Variants in PIBF1 observed in about 807,000 individuals in gnomAD.
PIBF1 encodes progesterone-induced-blocking factor 1.
In PIBF1, 90 loss-of-function variants were observed where a neutral mutation model predicts 112.5. The ratio of observed to expected loss-of-function variants is 0.80; its 90% CI spans 0.67 to 0.95. The LOEUF (loss-of-function observed/expected upper bound fraction) is 0.95, where lower values mean the gene tolerates loss of function less well. Ranked by LOEUF, PIBF1 falls within the 40% of genes least tolerant of loss-of-function variation. PIBF1 has a pLI of 0.00. For synonymous variants in PIBF1, 301 were observed against 288.6 expected (o/e 1.04, Z -0.44); for missense variants, 915 against 852.3 (o/e 1.07, Z -0.92).
Position 72,893,955 on chromosome 13 carries a change from T to C in PIBF1, c.1488+6T>C. 2 of 1,553,590 alleles carry C rather than the reference T, an allele frequency of 1.3e-6. No homozygotes were observed. The highest frequency in any genetic ancestry group is 1.7e-6 in the Non-Finnish European group (2 of 1,148,206). ...AATATCAGAAAAAATTGGAGGTACA[T>C]GTACAAGCTTTTCTTTCAACATTAG... is the stretch of plus-strand genomic sequence containing the variant. On this transcript the variant is annotated splice_donor_region_variant and intron_variant, in intron 11 of 17. Coordinates refer to ENST00000326291, the MANE Select transcript of PIBF1 (RefSeq NM_006346.4).
At chr13:73,014,387 A>T (rs1374996319) in intron 17 of PIBF1, among the ~76,000 whole-genome samples, 1 of 152,130 alleles carries the variant, frequency 6.6e-6, no homozygotes, top group Non-Finnish European at 1.5e-5. Context: ...AAAACTACAG[A>T]CCAATATCTC....
intron 10 of PIBF1, among the ~76,000 whole-genome samples, chr13:72,877,804 C>T (rs2039469782): frequency 6.7e-6 from 1 of 149,144 alleles, no homozygotes; most frequent in Admixed American, 6.7e-5. Flanking sequence ...GGCTGGAGTA[C>T]AGTGGCACAA....
chr13:72,804,532 GC>G (rs1239813795), intron 5 of PIBF1, among the ~76,000 whole-genome samples: 1 of 152,128 alleles, frequency 6.6e-6, no homozygotes, highest in Non-Finnish European at 1.5e-5. Context: ...AGGGCAGGAC[GC>G]CTGTCACCTT....
chr13:73,015,103 C>G (rs923581590), intron 17 of PIBF1, among the ~76,000 whole-genome samples: 1 of 149,204 alleles, frequency 6.7e-6, no homozygotes, highest in East Asian at 2.0e-4. Flanking sequence ...ATCTTCTCAC[C>G]TCCATCTCCC....
At chr13:72,804,576 TC>T (rs2035632040) in intron 5 of PIBF1, among the ~76,000 whole-genome samples, 1 of 152,158 alleles carries the variant, frequency 6.6e-6, no homozygotes, top group East Asian at 1.9e-4. Context: ...AGAGTGGCCT[TC>T]CTAGGTTTGA....
rs1198797869 is a variant in PIBF1, at chr13:72,845,362, C to T, written c.1224-8695C>T. ...GTAGTATTCCATGGTGTATATGTACCACATTTTCTTTATCCAGTCTATCAT... is the reference window on the plus strand; with the variant it reads ...GTAGTATTCCATGGTGTATATGTACTACATTTTCTTTATCCAGTCTATCAT... On this transcript the variant is annotated intron_variant, in intron 9 of 17. Coordinates refer to ENST00000326291, the MANE Select transcript of PIBF1 (RefSeq NM_006346.4). Among the ~76,000 whole-genome samples the T allele has an allele frequency of 3.9e-5, 6 of 152,118 alleles. No individual in the cohort carries two copies. The East Asian group carries it at 1.2e-3, about 29-fold the overall frequency.
At chr13:72,916,863 T>C (rs111843034) in intron 12 of PIBF1, among the ~76,000 whole-genome samples, 8 of 152,244 alleles carry the variant, frequency 5.3e-5, no homozygotes, top group Non-Finnish European at 1.0e-4. Context: ...CAATCCCTTA[T>C]ACATTTCAAA....
chr13:72,874,524 G>A (rs2138449859), intron 10 of PIBF1, among the ~76,000 whole-genome samples: 1 of 152,218 alleles, frequency 6.6e-6, no homozygotes, highest in South Asian at 2.1e-4. Flanking sequence ...TAATAGAAAA[G>A]GCAAAACTAA....
intron 9 of PIBF1, among the ~76,000 whole-genome samples, chr13:72,852,451 G>C (rs1345532070): frequency 6.6e-6 from 1 of 152,184 alleles, no homozygotes; most frequent in Non-Finnish European, 1.5e-5. Context: ...CGCACCCCTT[G>C]CTCACACACC....
intron 17 of PIBF1, among the ~76,000 whole-genome samples, chr13:73,001,524 ACTGG>A (rs2043865255): frequency 7.1e-6 from 1 of 141,358 alleles, no homozygotes; most frequent in Admixed American, 7.7e-5. Context: ...ACTACTGTTA[ACTGG>A]GTAATGGAGT....
At chr13:72,975,453 T>C (rs1439751639) in intron 16 of PIBF1, among the ~76,000 whole-genome samples, 1 of 152,074 alleles carries the variant, frequency 6.6e-6, no homozygotes, top group African/African-American at 2.4e-5. Flanking sequence ...ATTGGGAGAA[T>C]ATTGTTGAGA....
Position 72,795,462 on chromosome 13 carries a change from C to A in PIBF1, c.457C>A (p.Arg153Ser). ...GCTAAGAGAAAAAGCTGGAGATGTT[C>A]GTCGAAACCTGCGTGACTTTGAGTT... ...LQLREKAGDV[R>S]RNLRDFELTE... Residue 153 changes from arginine (R) to serine (S), a missense_variant, in exon 4 of 18, where the codon CGT (arginine) becomes AGT (serine). Arg to Ser is a moderately radical substitution (Grantham distance 110, BLOSUM62 -1). Coordinates refer to ENST00000326291, the MANE Select transcript of PIBF1 (RefSeq NM_006346.4). The A allele has an allele frequency of 6.2e-7, 1 of 1,609,832 alleles. No individual in the cohort carries two copies. Among genetic ancestry groups the A allele is most frequent in the South Asian group, 1.1e-5 (1 of 90,102 alleles).
At chr13:72,808,755 T>C (rs1399517402) in intron 5 of PIBF1, among the ~76,000 whole-genome samples, 1 of 152,170 alleles carries the variant, frequency 6.6e-6, no homozygotes, top group Non-Finnish European at 1.5e-5. Context: ...GCAGTTCCCA[T>C]AAATACCAAA....
intron 8 of PIBF1, 141 bp downstream of exon 8, chr13:72,828,055 T>C (rs7321471): frequency 0.29 from 104,897 of 358,862 alleles, 17,010 homozygotes; most frequent in African/African-American, 0.54. Flanking sequence ...CTTATTTTAT[T>C]TTATTTTATT....
chr13:72,978,288 A>T (rs549010701), intron 16 of PIBF1, among the ~76,000 whole-genome samples: 3 of 152,246 alleles, frequency 2.0e-5, no homozygotes, highest in Admixed American at 1.3e-4. Flanking sequence ...CATAAATGAC[A>T]TAATCTAATC....
intron 8 of PIBF1, among the ~76,000 whole-genome samples, chr13:72,832,480 G>A (rs1175848107): frequency 2.0e-5 from 3 of 152,062 alleles, no homozygotes; most frequent in Non-Finnish European, 2.9e-5. Flanking sequence ...AAATCTCTCA[G>A]GATTTGCTTG....
intron 5 of PIBF1, among the ~76,000 whole-genome samples, chr13:72,804,883 G>T (rs983916927): frequency 6.6e-6 from 1 of 152,162 alleles, no homozygotes; most frequent in African/African-American, 2.4e-5. Context: ...GTGTTACTTT[G>T]TTCAATAAGT....
In PIBF1 at chr13:72,821,745, A is replaced by C. The variant is rs1010954841; in HGVS notation, c.673-104A>C. The C allele has an allele frequency of 6.6e-6, 5 of 761,514 alleles. No individual in the cohort carries two copies. In the African/African-American group the frequency reaches 9.1e-5, roughly 14 times the overall value. The allele number at this position is 761,514 out of a possible 1,614,324, so 47.2% of individuals were successfully genotyped here. ...AATTGAGGAATTTTTTTTACTGTTT[A>C]ATTACAAGGACAATCACAGCTTAAC... On this transcript the variant is annotated intron_variant, in intron 5 of 17. Transcript: ENST00000326291.
chr13:72,908,253 C>T (rs1000212032), intron 11 of PIBF1, among the ~76,000 whole-genome samples: 2 of 151,948 alleles, frequency 1.3e-5, no homozygotes, highest in African/African-American at 4.8e-5. Context: ...CAAGCAAATG[C>T]TAATATTACT....
Sources: allele counts gnomAD v4.1 joint callset (sites outside exome capture counted in the v4.1 genomes callset), GRCh38; gene constraint gnomAD v4.1.1; transcripts MANE v1.5; gene names NCBI Gene and HGNC (gene_info 2026-07-23, HGNC 2026-07-21).